Variants in CNTRL observed in about 807,000 individuals in gnomAD.
CNTRL encodes 110 kDa centrosomal protein.
In CNTRL, 233 loss-of-function variants were observed where a neutral mutation model predicts 303.7. The ratio of observed to expected loss-of-function variants is 0.77; its 90% confidence interval spans 0.69 to 0.86. The LOEUF (loss-of-function observed/expected upper bound fraction) is 0.86. Among genes scored for constraint, CNTRL ranks in the 40% least tolerant of loss-of-function variants. The pLI, the probability that CNTRL is intolerant of heterozygous loss-of-function variation, is 0.00. For missense variants in CNTRL, 2,524 were observed against 2,650.6 expected, an observed-to-expected ratio of 0.95 and a Z score of 1.05; for synonymous variants, 900 against 922.2, an observed-to-expected ratio of 0.98 and a Z score of 0.44.
At position 121,158,166 on chromosome 9, in the gene CNTRL, G is replaced by A. The variant is rs1347734189; in HGVS notation, c.4764+57G>A. On this transcript the variant is annotated intron_variant, in intron 30 of 43. Coordinates refer to ENST00000373855, the MANE Select transcript of CNTRL (RefSeq NM_007018.6). ...GACACAGCACTTTATGATTATAAAA[G>A]TAATACATGTTTAATTGTAGAAAAG... 4 of 1,572,308 alleles carry A rather than the reference G, an allele frequency of 2.5e-6. 1 individual carries two copies. In the Admixed American group the frequency reaches 7.3e-5, roughly 29 times the overall value.
intron 8 of CNTRL, among the ~76,000 whole-genome samples, chr9:121,110,058 T>TC (rs1588131619): frequency 6.6e-6 from 1 of 152,136 alleles, no homozygotes; most frequent in East Asian, 1.9e-4. Context: ...TGTGAAGTTT[T>TC]CCATTTTAAA....
At chr9:121,175,269 GTTTT>G (rs772494967) in intron 43 of CNTRL, 45 bp downstream of exon 43, 9 of 1,581,874 alleles carry the variant, frequency 5.7e-6, no homozygotes, top group South Asian at 3.3e-5. Context: ...GCCTGAGGTT[GTTTT>G]TTGTCTTTTT....
intron 8 of CNTRL, chr9:121,111,127 C>T (rs905683905): frequency 6.6e-6 from 1 of 152,086 alleles, no homozygotes; most frequent in Admixed American, 6.6e-5. Flanking sequence ...GACTTATGAT[C>T]ATTCAGTGAA....
In CNTRL at chr9:121,151,384, C is replaced by CTTTTTTTTTTTTTT. The variant is rs200247383; in HGVS notation, c.3963+903_3963+904insTTTTTTTTTTTTTT. Among the ~76,000 whole-genome samples, 421 of 91,400 alleles carry CTTTTTTTTTTTTTT rather than the reference C, an allele frequency of 4.6e-3. 25 individuals are homozygous for CTTTTTTTTTTTTTT. Among genetic ancestry groups the CTTTTTTTTTTTTTT allele is most frequent in the South Asian group, 9.5e-3 (14 of 1,478 alleles). The allele number at this position is 91,400 out of a possible 152,430, so 60.0% of individuals were successfully genotyped here. A position where few individuals can be genotyped will look rare whatever the true frequency, so the allele number is the denominator to read the frequency against. ...GATTACTTCCTTTTTCTTTTTTCTT[C>CTTTTTTTTTTTTTT]TTCTTTTTTTTTTTTTTTTTTTTTG... On this transcript the variant is annotated intron_variant, in intron 25 of 43. Transcript: ENST00000373855.
chr9:121,127,578 TTCACCGAGAG>T (rs1202158344), intron 14 of CNTRL, among the ~76,000 whole-genome samples: 1 of 152,084 alleles, frequency 6.6e-6, no homozygotes, highest in Non-Finnish European at 1.5e-5. Flanking sequence ...ACATTTGCCT[TTCACCGAGAG>T]TCACCAATTA....
rs1421979481 is a variant in CNTRL, at chr9:121,148,827, C to G, written c.3615C>G (p.Ile1205Met). 1 of 1,613,748 alleles carries G rather than the reference C, an allele frequency of 6.2e-7. No individual in the cohort carries two copies. ...PASGYWVYSP[I>M]RSGLHKLFPS... ...CAGGATACTGGGTTTATTCTCCCAT[C>G]AGGAGTGGGTTACATAAACTGTTTC... The change falls in exon 24 of 44, where the codon ATC (isoleucine) becomes ATG (methionine). Residue 1205 changes from isoleucine to methionine, a missense_variant. Physicochemically the swap from Ile to Met is conservative, Grantham distance 10 (BLOSUM62 1). Transcript: ENST00000373855.
chr9:121,105,291 A>G (rs1167686313), intron 7 of CNTRL, among the ~76,000 whole-genome samples: 3 of 152,186 alleles, frequency 2.0e-5, no homozygotes, highest in Admixed American at 2.0e-4. Context: ...ATCAGTTTTG[A>G]AGGTAGAAGC....
intron 34 of CNTRL, among the ~76,000 whole-genome samples, chr9:121,163,215 G>T (rs2052934069): frequency 6.7e-6 from 1 of 150,370 alleles, no homozygotes; most frequent in African/African-American, 2.4e-5. Flanking sequence ...GCCAGGTTGG[G>T]AAGCTGAGGT....
rs762275424 is a variant in CNTRL, at chr9:121,124,047, G to T, written c.1767G>T (p.Thr589=). Reference sequence around the variant, plus strand: ...TACTTTCTAGAATTGCTAAGGAAACGGAAGAGATTAAGGACCTTGAAGAAC... The same window carrying T: ...TACTTTCTAGAATTGCTAAGGAAACTGAAGAGATTAAGGACCTTGAAGAAC... ...DEILSRIAKE[T]EEIKDLEEQL... Residue 589 remains threonine (T), a synonymous_variant, in exon 13 of 44, where the codon ACG becomes ACT. Coordinates refer to ENST00000373855, the MANE Select transcript of CNTRL (RefSeq NM_007018.6). 4 of 1,612,600 alleles carry T rather than the reference G, an allele frequency of 2.5e-6. No individual in the cohort carries two copies. Among genetic ancestry groups the T allele is most frequent in the Non-Finnish European group, 2.5e-6 (3 of 1,179,334 alleles).
At chr9:121,141,240 G>T (rs1282145717) in intron 17 of CNTRL, 141 bp from the exon 18 acceptor site, 2 of 651,968 alleles carry the variant, frequency 3.1e-6, no homozygotes, top group East Asian at 2.7e-5. Flanking sequence ...TTGCGCTTAG[G>T]AGATGGTCAG....
At chr9:121,140,125 T>C (rs186382167) in intron 16 of CNTRL, among the ~76,000 whole-genome samples, 17 of 152,226 alleles carry the variant, frequency 1.1e-4, no homozygotes, top group South Asian at 8.3e-4. Flanking sequence ...CATGTTGATA[T>C]AGGGGCTCTC....
At chr9:121,157,439 GA>G (rs1421777186) in intron 27 of CNTRL, 30 bp from the exon 28 acceptor site, 1 of 1,606,286 alleles carries the variant, frequency 6.2e-7, no homozygotes, top group Non-Finnish European at 8.5e-7. Flanking sequence ...TATTGTAACT[GA>G]ATGGCTTTTA....
intron 30 of CNTRL, 140 bp from the exon 31 acceptor site, chr9:121,158,715 C>A: frequency 1.3e-6 from 1 of 760,324 alleles, no homozygotes. Flanking sequence ...TTCACCCTTG[C>A]ACTCCTTGCC....
Position 121,170,767 on chromosome 9 carries a change from G to T in CNTRL, c.6277-641G>T, listed in dbSNP as rs1478549954. Reference sequence around the variant, plus strand: ...CGCGCCTAGCCAGTTTTATTACACTGCTGTAGTCAGTGCCTACAAATTTTT... The same window carrying T: ...CGCGCCTAGCCAGTTTTATTACACTTCTGTAGTCAGTGCCTACAAATTTTT... On this transcript the variant is annotated intron_variant, in intron 39 of 43. Transcript: ENST00000373855. 2.0e-5 allele frequency among the ~76,000 whole-genome samples: 3 copies of T among 152,270 alleles called. No homozygotes were observed. The East Asian group carries it at 5.8e-4, about 29-fold the overall frequency.
chr9:121,090,721 G>A (rs1348706238), intron 4 of CNTRL, among the ~76,000 whole-genome samples: 1 of 152,152 alleles, frequency 6.6e-6, no homozygotes. Flanking sequence ...ATTGTCTGTG[G>A]TTGTTTTTGC....
intron 2 of CNTRL, among the ~76,000 whole-genome samples, chr9:121,083,326 A>C (rs1272268689): frequency 6.6e-6 from 1 of 152,192 alleles, no homozygotes; most frequent in Admixed American, 6.5e-5. Flanking sequence ...CAGTTGTACA[A>C]AATTAATTTC....
chr9:121,140,488 A>C (rs2051443248), intron 16 of CNTRL, among the ~76,000 whole-genome samples, 153 bp from the exon 17 acceptor site: 1 of 152,262 alleles, frequency 6.6e-6, no homozygotes, highest in Admixed American at 6.5e-5. Context: ...AGTTTGAAGT[A>C]GATTAATCAT....
rs375921191 is a variant in CNTRL, at chr9:121,171,578, C to T, written c.6417+30C>T. On this transcript the variant is annotated intron_variant, in intron 40 of 43. Coordinates refer to ENST00000373855, the MANE Select transcript of CNTRL (RefSeq NM_007018.6). Reference sequence around the variant, plus strand: ...GTGCCCAGAAAGCCCAGCTGGCCAGCCTGGGGAGAGAGGACTCACTGGGCT... The same window carrying T: ...GTGCCCAGAAAGCCCAGCTGGCCAGTCTGGGGAGAGAGGACTCACTGGGCT... 17 of 1,605,926 alleles carry T rather than the reference C, an allele frequency of 1.1e-5. No homozygotes were observed. The East Asian group carries it at 2.7e-4, about 25-fold the overall frequency.
chr9:121,082,635 C>T (rs2048183719), intron 2 of CNTRL, among the ~76,000 whole-genome samples: 1 of 152,120 alleles, frequency 6.6e-6, no homozygotes, highest in African/African-American at 2.4e-5. Context: ...GTACTGAATA[C>T]TTTAGGCAGT....
Sources: allele counts gnomAD v4.1 joint callset (sites outside exome capture counted in the v4.1 genomes callset), GRCh38; gene constraint gnomAD v4.1.1; transcripts MANE v1.5; gene names NCBI Gene and HGNC (gene_info 2026-07-23, HGNC 2026-07-21).